Variants in CD59 observed in about 807,000 individuals in gnomAD.
The protein encoded by CD59 is CD59 molecule (CD59 blood group), also known as CD59 glycoprotein.
In CD59, 3 loss-of-function variants were observed where a neutral mutation model predicts 7.0. The observed-to-expected ratio is 0.43, with a 90% CI of 0.19 to 1.10. CD59 has a LOEUF of 1.10. Among genes scored for constraint, CD59 ranks in the 50% least tolerant of loss-of-function variants. CD59 has a pLI of 0.29. For synonymous variants in CD59, 60 were observed against 62.0 expected (o/e 0.97, Z 0.15); for missense variants, 143 against 151.0 (o/e 0.95, Z 0.28).
intron 1 of CD59, 99 bp from the exon 2 acceptor site, chr11:33,722,562 AACATTT>A: frequency 6.5e-7 from 1 of 1,546,578 alleles, no homozygotes; most frequent in Non-Finnish European, 8.8e-7. Context: ...TTCTGAGAGG[AACATTT>A]ACAGGGGGAG....
At chr11:33,721,616 T>C (rs1854066286) in intron 2 of CD59, among the ~76,000 whole-genome samples, 1 of 152,192 alleles carries the variant, frequency 6.6e-6, no homozygotes, top group Non-Finnish European at 1.5e-5. Context: ...GTGTTTCCAC[T>C]GTTATAGAAG....
At chr11:33,725,314 A>G (rs1854224352) in intron 1 of CD59, among the ~76,000 whole-genome samples, 1 of 151,176 alleles carries the variant, frequency 6.6e-6, no homozygotes, top group Non-Finnish European at 1.5e-5. Flanking sequence ...GAAGATGCCC[A>G]TAAGTTAAGT....
chr11:33,708,514 A>C lies in CD59; in HGVS notation c.*1612T>G, dbSNP rs11032350. 33,477 of 143,894 alleles carry C rather than the reference A, an allele frequency of 0.23. 4,541 individuals are homozygous for C. Among genetic ancestry groups the C allele is most frequent in the Middle Eastern group, 0.33 (94 of 286 alleles). The allele number at this position is 143,894 out of a possible 1,614,324, so 8.9% of individuals were successfully genotyped here. A position where few individuals can be genotyped will look rare whatever the true frequency, so the allele number is the denominator to read the frequency against. ...TTCATTTTCTGCTTAAATTCATCAA[A>C]ATTGTTTCTCATTCCTTAGAACTCA... On this transcript the variant is annotated 3_prime_UTR_variant, in exon 4 of 4. Transcript: ENST00000642928.
At chr11:33,734,082 T>C (rs541182214) in intron 1 of CD59, among the ~76,000 whole-genome samples, 1 of 152,350 alleles carries the variant, frequency 6.6e-6, no homozygotes, top group East Asian at 1.9e-4. Flanking sequence ...GTGTCAGCAA[T>C]GTCAGAGAAC....
chr11:33,718,147 T>C (rs76405066), intron 2 of CD59: 1,865 of 156,050 alleles, frequency 0.012, 18 homozygotes, highest in African/African-American at 0.018. Context: ...GTAAGTCTCA[T>C]AATACCCTTG....
intron 1 of CD59, among the ~76,000 whole-genome samples, chr11:33,730,602 G>C (rs894075461): frequency 3.9e-5 from 6 of 152,160 alleles, no homozygotes; most frequent in Non-Finnish European, 7.3e-5. Flanking sequence ...GTGTTGCAAG[G>C]ATCTACTTAT....
chr11:33,709,046 C>T lies in CD59; in HGVS notation c.*1080G>A, dbSNP rs1159774248. ...ACACAGGGAAAAGGAAAAAGTTTGC[C>T]CTTGTGAAAGGTGTGTATCATTTTT... On this transcript the variant is annotated 3_prime_UTR_variant, in exon 4 of 4. Coordinates refer to ENST00000642928, the MANE Select transcript of CD59 (RefSeq NM_000611.6). 6.6e-6 allele frequency: 1 copy of T among 152,098 alleles called. No individual in the cohort carries two copies. The highest frequency in any genetic ancestry group is 1.5e-5 in the Non-Finnish European group (1 of 68,026). The allele number at this position is 152,098 out of a possible 1,614,324, so 9.4% of individuals were successfully genotyped here. A position where few individuals can be genotyped will look rare whatever the true frequency, so the allele number is the denominator to read the frequency against.
chr11:33,704,998 C>G lies in CD59; in HGVS notation c.*5128G>C, dbSNP rs12364970. 0.23 allele frequency: 34,634 copies of G among 152,132 alleles called. 4,679 individuals are homozygous for G. The highest frequency in any genetic ancestry group is 0.32 in the Middle Eastern group (94 of 294). 9.4% of individuals were successfully genotyped at this position (152,132 alleles called of 1,614,324 possible). A position where few individuals can be genotyped will look rare whatever the true frequency, so the allele number is the denominator to read the frequency against. ...AAAGTTTCTAAAAAATGCAGAGCAG[C>G]CTTTATTCTTGTTTTCCCAGGTAAA... On this transcript the variant is annotated 3_prime_UTR_variant, in exon 4 of 4. Coordinates refer to ENST00000642928, the MANE Select transcript of CD59 (RefSeq NM_000611.6).
At chr11:33,733,442 C>T (rs1564980283) in intron 1 of CD59, 1 of 152,082 alleles carries the variant, frequency 6.6e-6, no homozygotes, top group Non-Finnish European at 1.5e-5. Context: ...CATGGTGAAA[C>T]CCTGTCTCTA....
At chr11:33,734,490 G>T (rs1434689531) in intron 1 of CD59, among the ~76,000 whole-genome samples, 1 of 152,088 alleles carries the variant, frequency 6.6e-6, no homozygotes, top group Non-Finnish European at 1.5e-5. Flanking sequence ...CTGCCGACAG[G>T]CGCCAGTGTG....
chr11:33,722,666 A>AGT (rs1854125068), intron 1 of CD59: 1 of 1,402,924 alleles, frequency 7.1e-7, no homozygotes, highest in East Asian at 2.9e-5. Context: ...TATAAGCCCC[A>AGT]GTGTGTACTA....
chr11:33,703,032 G>GTTATATTT lies in CD59; in HGVS notation c.*7086_*7093dup, dbSNP rs1853159688. 1 of 152,048 alleles carries GTTATATTT rather than the reference G, an allele frequency of 6.6e-6. No homozygotes were observed. The highest frequency in any genetic ancestry group is 1.5e-5 in the Non-Finnish European group (1 of 68,052). 9.4% of individuals were successfully genotyped at this position (152,048 alleles called of 1,614,324 possible). A position where few individuals can be genotyped will look rare whatever the true frequency, so the allele number is the denominator to read the frequency against. ...CCCTTAGAAGGAAAAGAGATTTTGC[G>GTTATATTT]TTATATTTTTTAAATGAAGCAATAC... On this transcript the variant is annotated 3_prime_UTR_variant, in exon 4 of 4. Transcript: ENST00000642928.
rs1210010928 is a variant in CD59, at chr11:33,708,029, G to C, written c.*2097C>G. ...ACTCTTACACTCTCTATTTAACCTA[G>C]GCTGACTCACTGCAGTTGGCACTAA... On this transcript the variant is annotated 3_prime_UTR_variant, in exon 4 of 4. Transcript: ENST00000642928. 6.6e-6 allele frequency: 1 copy of C among 152,188 alleles called. No individual in the cohort carries two copies. Among genetic ancestry groups the C allele is most frequent in the Non-Finnish European group, 1.5e-5 (1 of 68,058 alleles). The allele number at this position is 152,188 out of a possible 1,614,324, so 9.4% of individuals were successfully genotyped here.
chr11:33,710,982 G>A (rs1357476531), intron 3 of CD59, among the ~76,000 whole-genome samples: 1 of 145,460 alleles, frequency 6.9e-6, no homozygotes, highest in African/African-American at 2.5e-5. Flanking sequence ...GTTCCATGCA[G>A]ATAAGAAATG....
At chr11:33,711,334 G>C (rs986385670) in intron 3 of CD59, 1 of 690,204 alleles carries the variant, frequency 1.4e-6, no homozygotes, top group Admixed American at 2.1e-5. Context: ...TAAGAGCATA[G>C]TATCCAGGAT....
At chr11:33,719,952 T>C (rs1853979670) in intron 2 of CD59, among the ~76,000 whole-genome samples, 1 of 152,240 alleles carries the variant, frequency 6.6e-6, no homozygotes, top group Non-Finnish European at 1.5e-5. Flanking sequence ...ATGAAGGGTG[T>C]TGTTCTTGAG....
Position 33,708,826 on chromosome 11 carries a change from T to C in CD59, c.*1300A>G, listed in dbSNP as rs188646348. On this transcript the variant is annotated 3_prime_UTR_variant, in exon 4 of 4. Coordinates refer to ENST00000642928, the MANE Select transcript of CD59 (RefSeq NM_000611.6). Reference sequence around the variant, plus strand: ...GGCCATAACCACATTCACCCACTTGTTATATTTCATTTTCAGAAAAGCATC... The same window carrying C: ...GGCCATAACCACATTCACCCACTTGCTATATTTCATTTTCAGAAAAGCATC... 3.9e-5 allele frequency: 6 copies of C among 152,340 alleles called. No homozygotes were observed. Among genetic ancestry groups the C allele is most frequent in the Admixed American group, 3.9e-4 (6 of 15,302 alleles). 9.4% of individuals were successfully genotyped at this position (152,340 alleles called of 1,614,324 possible). A position where few individuals can be genotyped will look rare whatever the true frequency, so the allele number is the denominator to read the frequency against.
chr11:33,708,611 A>G lies in CD59; in HGVS notation c.*1515T>C, dbSNP rs1853412037. Reference sequence around the variant, plus strand: ...GTACTTCCTCAGGCCAAAAAAAAAAAAAAAAACCTATTGATGTAAGGAAAG... The same window carrying G: ...GTACTTCCTCAGGCCAAAAAAAAAAGAAAAAACCTATTGATGTAAGGAAAG... On this transcript the variant is annotated 3_prime_UTR_variant, in exon 4 of 4. Transcript: ENST00000642928. The G allele has an allele frequency of 6.6e-6, 1 of 152,238 alleles. No homozygotes were observed. Among genetic ancestry groups the G allele is most frequent in the South Asian group, 2.1e-4 (1 of 4,814 alleles). The allele number at this position is 152,238 out of a possible 1,614,324, so 9.4% of individuals were successfully genotyped here.
intron 1 of CD59, among the ~76,000 whole-genome samples, chr11:33,734,926 C>G (rs1002841128): frequency 1.3e-5 from 2 of 152,206 alleles, no homozygotes; most frequent in African/African-American, 2.4e-5. Flanking sequence ...ACCCTAAGAT[C>G]CATTTTATTT....
Sources: gnomAD v4.1 joint callset for allele counts (sites outside exome capture counted in the v4.1 genomes callset) on GRCh38, gnomAD v4.1.1 for gene constraint, MANE v1.5 for transcripts, NCBI Gene and HGNC (gene_info 2026-07-23, HGNC 2026-07-21) for gene names.